Variants in MTMR6 observed in about 807,000 individuals in gnomAD.
MTMR6 encodes myotubularin related protein 6.
A neutral mutation model predicts 80.1 loss-of-function variants in MTMR6; 47 were observed. The ratio of observed to expected loss-of-function variants is 0.59; its 90% confidence interval spans 0.46 to 0.75. The LOEUF is 0.75. Ranked by LOEUF, MTMR6 falls within the 30% of genes least tolerant of loss-of-function variation. The probability of loss-of-function intolerance (pLI) is 0.00; values close to 1 mark genes in which losing one functional copy is unlikely to be tolerated. For missense variants in MTMR6, 629 were observed against 730.9 expected, an observed-to-expected ratio of 0.86 and a Z score of 1.61; for synonymous variants, 254 against 253.0, an observed-to-expected ratio of 1.00 and a Z score of -0.04.
intron 5 of MTMR6, among the ~76,000 whole-genome samples, chr13:25,263,713 C>T (rs1299006507): frequency 6.6e-6 from 1 of 152,094 alleles, no homozygotes; most frequent in Non-Finnish European, 1.5e-5. Flanking sequence ...TGGTGAAACC[C>T]AATCTCTACT....
chr13:25,265,657 G>A (rs982199538), intron 5 of MTMR6, among the ~76,000 whole-genome samples, 162 bp downstream of exon 5: 4 of 151,786 alleles, frequency 2.6e-5, no homozygotes, highest in African/African-American at 7.3e-5. Context: ...TGCTTGAACC[G>A]AGAGGTGGAG....
intron 5 of MTMR6, among the ~76,000 whole-genome samples, chr13:25,264,052 A>G (rs1258747117): frequency 6.6e-6 from 1 of 152,180 alleles, no homozygotes; most frequent in East Asian, 1.9e-4. Context: ...TGGAACTCTG[A>G]GCAAAACAAT....
chr13:25,278,433 C>T (rs575209075), intron 1 of MTMR6, among the ~76,000 whole-genome samples: 2 of 151,888 alleles, frequency 1.3e-5, no homozygotes, highest in South Asian at 2.1e-4. Flanking sequence ...CTTTACTAAA[C>T]ATATAAAAAT....
rs200439225 is a variant in MTMR6, at chr13:25,253,731, G to A, written c.1346+33C>T. 3.7e-5 allele frequency: 59 copies of A among 1,582,028 alleles called. No individual in the cohort carries two copies. In the Middle Eastern group the frequency reaches 1.0e-3, roughly 27 times the overall value. ...TTGTTAGACCTCGGCTAAGTAGGGG[G>A]AAAAGGAGACTCTTTTAATTGAATC... On this transcript the variant is annotated intron_variant, in intron 11 of 13. Coordinates refer to ENST00000381801, the MANE Select transcript of MTMR6 (RefSeq NM_004685.5).
intron 1 of MTMR6, among the ~76,000 whole-genome samples, chr13:25,285,231 G>T (rs1210487633): frequency 6.6e-6 from 1 of 152,044 alleles, no homozygotes; most frequent in African/African-American, 2.4e-5. Flanking sequence ...TAAAAACAAA[G>T]ATATATATTC....
intron 1 of MTMR6, among the ~76,000 whole-genome samples, chr13:25,277,648 T>A (rs779781765): frequency 6.6e-6 from 1 of 152,258 alleles, no homozygotes; most frequent in Non-Finnish European, 1.5e-5. Flanking sequence ...CATTCAGTAA[T>A]TCTTGAATAA....
intron 1 of MTMR6, among the ~76,000 whole-genome samples, chr13:25,279,336 A>G (rs898360168): frequency 1.3e-5 from 2 of 152,140 alleles, no homozygotes; most frequent in African/African-American, 4.8e-5. Context: ...TCCTGCCACC[A>G]TGAGAAGACG....
At chr13:25,265,715 G>C in intron 5 of MTMR6, 104 bp downstream of exon 5, 1 of 1,304,814 alleles carries the variant, frequency 7.7e-7, no homozygotes, top group East Asian at 2.3e-5. Context: ...TTCGGCAACA[G>C]AGCGAGACCC....
At position 25,249,424 on chromosome 13, in the gene MTMR6, A is replaced by G. The variant is rs1002255808; in HGVS notation, c.1674T>C (p.His558=). The change falls in exon 14 of 14, where the codon CAT becomes CAC. Residue 558 remains histidine (H), a synonymous_variant. Transcript: ENST00000381801. ...AAGTTTTGAGGTTAGGTGATTCAGG[A>G]TGAACTGAATGTAACAATTCCTTGG... ...ILTKELLHSV[H]PESPNLKTSL... is the part of the protein sequence containing the mutation. 1.1e-5 allele frequency: 18 copies of G among 1,613,862 alleles called. No individual in the cohort carries two copies. Among genetic ancestry groups the G allele is most frequent in the Non-Finnish European group, 1.4e-5 (16 of 1,179,756 alleles).
At chr13:25,253,725 T>G (rs773022654) in intron 11 of MTMR6, 39 bp downstream of exon 11, 4 of 1,559,720 alleles carry the variant, frequency 2.6e-6, no homozygotes, top group Admixed American at 1.7e-5. Context: ...CTCGGCTAAG[T>G]AGGGGGAAAA....
rs573481441 is a variant in MTMR6, at chr13:25,246,565, G to A, written c.*2667C>T. 6.6e-6 allele frequency: 1 copy of A among 152,630 alleles called. No individual in the cohort carries two copies. The highest frequency in any genetic ancestry group is 1.5e-5 in the Non-Finnish European group (1 of 67,992). 9.5% of individuals were successfully genotyped at this position (152,630 alleles called of 1,614,324 possible). On this transcript the variant is annotated 3_prime_UTR_variant, in exon 14 of 14. Coordinates refer to ENST00000381801, the MANE Select transcript of MTMR6 (RefSeq NM_004685.5). ...TGGTGCAAAAGTAATTGCGGTTTTT[G>A]TCATCACTTTCAATGGCAAAAGCCC...
intron 5 of MTMR6, among the ~76,000 whole-genome samples, 156 bp downstream of exon 5, chr13:25,265,663 T>C (rs1305351838): frequency 2.7e-5 from 4 of 150,662 alleles, no homozygotes; most frequent in African/African-American, 7.3e-5. Context: ...AACCGAGAGG[T>C]GGAGGTTGCA....
At chr13:25,281,902 C>T (rs1422167895) in intron 1 of MTMR6, among the ~76,000 whole-genome samples, 1 of 152,130 alleles carries the variant, frequency 6.6e-6, no homozygotes, top group Non-Finnish European at 1.5e-5. Flanking sequence ...GAGAGAGTAA[C>T]CTCAGATCGT....
At chr13:25,267,547 T>C (rs1957485348) in intron 3 of MTMR6, among the ~76,000 whole-genome samples, 1 of 152,228 alleles carries the variant, frequency 6.6e-6, no homozygotes, top group African/African-American at 2.4e-5. Flanking sequence ...TGTAAGTCTC[T>C]ACTATAAATG....
intron 13 of MTMR6, 66 bp from the exon 14 acceptor site, chr13:25,249,558 G>A: frequency 6.6e-7 from 1 of 1,507,298 alleles, no homozygotes. Context: ...CATGAAAAAA[G>A]AAAACATGCT....
At position 25,257,034 on chromosome 13, in the gene MTMR6, T is replaced by C. The variant is rs141733806; in HGVS notation, c.1095+162A>G. Among the ~76,000 whole-genome samples the C allele has an allele frequency of 9.7e-3, 1,485 of 152,308 alleles. 28 individuals are homozygous for C. The highest frequency in any genetic ancestry group is 0.032 in the African/African-American group (1,338 of 41,574). On this transcript the variant is annotated intron_variant, in intron 9 of 13. Transcript: ENST00000381801. ...GACCCCCCAGCAAAAATTTTGTGCA[T>C]TATAAAATGTTTAGTTAGCAATATC...
chr13:25,254,309 G>A (rs1957147501), intron 10 of MTMR6, 76 bp downstream of exon 10: 1 of 1,056,512 alleles, frequency 9.5e-7, no homozygotes, highest in South Asian at 1.3e-5. Context: ...GAGTTCATAA[G>A]GAACAGAAAC....
chr13:25,256,564 A>G (rs1257177000), intron 9 of MTMR6, among the ~76,000 whole-genome samples: 1 of 152,188 alleles, frequency 6.6e-6, no homozygotes, highest in African/African-American at 2.4e-5. Flanking sequence ...TTTTGAAAAC[A>G]TAAGTTAATC....
At chr13:25,263,271 C>G (rs1957378187) in intron 5 of MTMR6, among the ~76,000 whole-genome samples, 1 of 152,128 alleles carries the variant, frequency 6.6e-6, no homozygotes, top group African/African-American at 2.4e-5. Context: ...AAGGCTTGAG[C>G]AGGTATATAA....
Sources: gnomAD v4.1 joint callset for allele counts (sites outside exome capture counted in the v4.1 genomes callset) on GRCh38, gnomAD v4.1.1 for gene constraint, MANE v1.5 for transcripts, NCBI Gene and HGNC (gene_info 2026-07-23, HGNC 2026-07-21) for gene names.